The following EYA3 variants were observed in gnomAD, a reference collection of about 807,000 sequenced individuals.
EYA3 encodes the protein EYA transcriptional coactivator and phosphatase 3.
In EYA3, 39 loss-of-function variants were observed where a neutral mutation model predicts 80.0. The ratio of observed to expected loss-of-function variants is 0.49; its 90% CI spans 0.38 to 0.64. EYA3 has a LOEUF of 0.64. Ranked by LOEUF, EYA3 falls within the 30% of genes least tolerant of loss-of-function variation. EYA3 has a pLI of 0.00. For synonymous variants in EYA3, 206 were observed against 232.8 expected (o/e 0.88, Z 1.05); for missense variants, 523 against 676.1 (o/e 0.77, Z 2.51).
At chr1:27,981,705 G>A (rs1571703094) in intron 16 of EYA3, among the ~76,000 whole-genome samples, 3 of 150,672 alleles carry the variant, frequency 2.0e-5, no homozygotes, top group African/African-American at 7.3e-5. Flanking sequence ...TTGAGCCAGG[G>A]AGGTCGAGGC....
In EYA3 at chr1:27,973,567, CTGA is replaced by C. The variant is rs1638808006; in HGVS notation, c.*896_*898del. The stretch of plus-strand genomic sequence containing the variant: ...TGATACAGTCTGAATGACAGTCAAG[CTGA>C]AGGAGTTTTTAGGGTTGTGCCATTT... On this transcript the variant is annotated 3_prime_UTR_variant, in exon 18 of 18. Coordinates refer to ENST00000373871, the MANE Select transcript of EYA3 (RefSeq NM_001990.4). The C allele has an allele frequency of 6.6e-6, 1 of 151,912 alleles. No homozygotes were observed. The highest frequency in any genetic ancestry group is 2.1e-4 in the South Asian group (1 of 4,810). 9.4% of individuals were successfully genotyped at this position (151,912 alleles called of 1,614,324 possible). A position where few individuals can be genotyped will look rare whatever the true frequency, so the allele number is the denominator to read the frequency against.
At chr1:27,990,332 T>C (rs1301368968) in intron 14 of EYA3, 1 of 157,324 alleles carries the variant, frequency 6.4e-6, no homozygotes, top group Non-Finnish European at 1.4e-5. Flanking sequence ...CAGGAAGCAC[T>C]AGTTTATGAA....
At chr1:28,018,001 C>T (rs932640803) in intron 7 of EYA3, among the ~76,000 whole-genome samples, 1 of 151,944 alleles carries the variant, frequency 6.6e-6, no homozygotes, top group Non-Finnish European at 1.5e-5. Flanking sequence ...TTGAGACCAG[C>T]CTTGCCAACG....
At chr1:28,049,075 T>C (rs1644141879) in intron 2 of EYA3, among the ~76,000 whole-genome samples, 1 of 152,162 alleles carries the variant, frequency 6.6e-6, no homozygotes. Context: ...CTGGTTGTAG[T>C]AGAAACATGT....
chr1:28,020,659 C>G (rs1307046733), intron 7 of EYA3, among the ~76,000 whole-genome samples: 1 of 123,646 alleles, frequency 8.1e-6, no homozygotes, highest in African/African-American at 3.0e-5. Context: ...TAAAAAAATA[C>G]AGATCATCGT....
At chr1:28,066,912 A>G (rs565512300) in intron 1 of EYA3, among the ~76,000 whole-genome samples, 2 of 152,304 alleles carry the variant, frequency 1.3e-5, no homozygotes, top group African/African-American at 2.4e-5. Context: ...CAGAGATTCA[A>G]TCGGCACTTG....
At chr1:27,984,908 T>C (rs1410150822) in intron 16 of EYA3, among the ~76,000 whole-genome samples, 1 of 152,182 alleles carries the variant, frequency 6.6e-6, no homozygotes, top group Non-Finnish European at 1.5e-5. Flanking sequence ...AATAAGTTAG[T>C]AAAAATATTA....
At chr1:27,986,233 T>G (rs899699387) in intron 16 of EYA3, among the ~76,000 whole-genome samples, 8 of 151,444 alleles carry the variant, frequency 5.3e-5, no homozygotes, top group Admixed American at 5.3e-4. Context: ...GGCATGGTGG[T>G]GCATGCCTGT....
intron 1 of EYA3, among the ~76,000 whole-genome samples, chr1:28,087,428 A>C (rs1052300757): frequency 2.6e-5 from 4 of 152,246 alleles, no homozygotes; most frequent in African/African-American, 9.6e-5. Flanking sequence ...CTGGCTAATG[A>C]AGGAAGAGGA....
rs1045259458 is a variant in EYA3, at chr1:28,011,119, G to A, written c.770-33C>T. On this transcript the variant is annotated intron_variant, in intron 9 of 17. Coordinates refer to ENST00000373871, the MANE Select transcript of EYA3 (RefSeq NM_001990.4). ...GAAAAAGTGAAACATATGTTGTCAG[G>A]AGTCACAGGCTATAAGAATCAGGGC... is the stretch of plus-strand genomic sequence containing the variant. The A allele has an allele frequency of 4.4e-6, 7 of 1,603,036 alleles. No homozygotes were observed. In the Admixed American group the frequency reaches 8.5e-5, roughly 19 times the overall value.
Position 28,035,655 on chromosome 1 carries a change from G to C in EYA3, c.250C>G (p.Pro84Ala). ...AKPYAHILSV[P>A]VSETAYPGQT... Reference sequence around the variant, plus strand: ...CCAGGGTAAGCAGTTTCCGAAACAGGAACTGAGAGAATATGTGCATAAGGT... The same window carrying C: ...CCAGGGTAAGCAGTTTCCGAAACAGCAACTGAGAGAATATGTGCATAAGGT... The change falls in exon 6 of 18, where the codon CCT becomes GCT. Residue 84 changes from proline to alanine, a missense_variant. Physicochemically the swap from Pro to Ala is conservative, Grantham distance 27 (BLOSUM62 -1). Coordinates refer to ENST00000373871, the MANE Select transcript of EYA3 (RefSeq NM_001990.4). 1 of 1,614,018 alleles carries C rather than the reference G, an allele frequency of 6.2e-7. No individual in the cohort carries two copies. The highest frequency in any genetic ancestry group is 8.5e-7 in the Non-Finnish European group (1 of 1,179,978).
chr1:28,017,340 T>C, intron 7 of EYA3, 101 bp from the exon 8 acceptor site: 6 of 796,590 alleles, frequency 7.5e-6, no homozygotes, highest in Non-Finnish European at 8.0e-6. Context: ...TATAAGGAGA[T>C]AAACAACATT....
chr1:27,974,322 G>GGAGAGAGAGAAAGAGAGAAAGAGA lies in EYA3; in HGVS notation c.*120_*143dup. ...GAGAGGAAGGGAGGGAGGGAGAGAGGGAGAGAGAGAAAGAGAGAAAGAGAG... is the reference window on the plus strand; with the variant it reads ...GAGAGGAAGGGAGGGAGGGAGAGAGGGAGAGAGAGAAAGAGAGAAAGAGAGAGAGAGAGAAAGAGAGAAAGAGAG... On this transcript the variant is annotated 3_prime_UTR_variant, in exon 18 of 18. Coordinates refer to ENST00000373871, the MANE Select transcript of EYA3 (RefSeq NM_001990.4). 1 of 501,876 alleles carries GGAGAGAGAGAAAGAGAGAAAGAGA rather than the reference G, an allele frequency of 2.0e-6. No individual in the cohort carries two copies. Among genetic ancestry groups the GGAGAGAGAGAAAGAGAGAAAGAGA allele is most frequent in the South Asian group, 2.8e-5 (1 of 35,332 alleles). The allele number at this position is 501,876 out of a possible 1,614,324, so 31.1% of individuals were successfully genotyped here.
chr1:28,045,716 C>T (rs1643978983), intron 3 of EYA3, among the ~76,000 whole-genome samples: 2 of 151,942 alleles, frequency 1.3e-5, no homozygotes, highest in Admixed American at 1.3e-4. Flanking sequence ...TAATTATTTT[C>T]AAAGTTATAT....
At chr1:28,006,263 C>G (rs1187889543) in intron 10 of EYA3, among the ~76,000 whole-genome samples, 1 of 151,942 alleles carries the variant, frequency 6.6e-6, no homozygotes, top group East Asian at 1.9e-4. Flanking sequence ...ATTAATAGAA[C>G]AGAGGGGGAA....
At chr1:28,060,217 A>ATATT (rs1644572469) in intron 1 of EYA3, among the ~76,000 whole-genome samples, 1 of 152,216 alleles carries the variant, frequency 6.6e-6, no homozygotes, top group African/African-American at 2.4e-5. Flanking sequence ...TTGTTAAAAA[A>ATATT]TATTTATGTG....
chr1:28,033,687 C>T (rs1166134589), intron 6 of EYA3, among the ~76,000 whole-genome samples: 1 of 144,668 alleles, frequency 6.9e-6, no homozygotes, highest in Admixed American at 7.0e-5. Context: ...GACAGTCTTG[C>T]TCTGTCGCCC....
intron 1 of EYA3, among the ~76,000 whole-genome samples, chr1:28,060,633 C>T (rs1644586245): frequency 6.6e-6 from 1 of 152,126 alleles, no homozygotes; most frequent in South Asian, 2.1e-4. Flanking sequence ...AAATAAGCAC[C>T]CTTTGTTGTT....
chr1:27,976,605 G>A (rs1268695439), intron 17 of EYA3, among the ~76,000 whole-genome samples: 1 of 152,186 alleles, frequency 6.6e-6, no homozygotes, highest in Non-Finnish European at 1.5e-5. Flanking sequence ...TCATCCTTGG[G>A]CATATTCAAG....
Sources: gnomAD v4.1 joint callset for allele counts (sites outside exome capture counted in the v4.1 genomes callset) on GRCh38, gnomAD v4.1.1 for gene constraint, MANE v1.5 for transcripts, NCBI Gene and HGNC (gene_info 2026-07-23, HGNC 2026-07-21) for gene names.